The following CMC2 variants were observed in gnomAD, a reference collection of about 807,000 sequenced individuals.
CMC2 encodes the protein C-X9-C motif containing 2, also known as COX assembly mitochondrial protein 2 homolog.
In CMC2, 5 loss-of-function variants were observed where a neutral mutation model predicts 7.5. That is an observed-to-expected ratio of 0.66 (90% confidence interval 0.35 to 1.40). The LOEUF is 1.40. CMC2 is among the 40% of genes most tolerant of loss of function. The pLI is 0.04. For missense variants in CMC2, 115 were observed against 92.3 expected (o/e 1.25, Z -1.01); for synonymous variants, 37 against 31.4 (o/e 1.18, Z -0.60).
chr16:80,987,632 A>G (rs1296510738), intron 2 of CMC2, among the ~76,000 whole-genome samples: 1 of 152,184 alleles, frequency 6.6e-6, no homozygotes, highest in Non-Finnish European at 1.5e-5. Flanking sequence ...AGCTGTGGAA[A>G]TAACACTTGC....
At chr16:80,989,995 T>C (rs139105641) in intron 2 of CMC2, among the ~76,000 whole-genome samples, 106 of 152,334 alleles carry the variant, frequency 7.0e-4, no homozygotes, top group Admixed American at 1.9e-3. Context: ...AGTTCATTTT[T>C]TTCTTTAGTG....
At chr16:80,977,432 G>A (rs1912536152) in intron 3 of CMC2, among the ~76,000 whole-genome samples, 1 of 152,146 alleles carries the variant, frequency 6.6e-6, no homozygotes, top group Non-Finnish European at 1.5e-5. Context: ...TTTCCCCTGG[G>A]CAGAAGGGGA....
chr16:81,002,952 C>CT (rs1235043174), intron 1 of CMC2, among the ~76,000 whole-genome samples: 1 of 152,202 alleles, frequency 6.6e-6, no homozygotes, highest in African/African-American at 2.4e-5. Flanking sequence ...CACCTTATCC[C>CT]TTATCCAACA....
intron 1 of CMC2, among the ~76,000 whole-genome samples, chr16:81,005,379 T>G (rs908288760): frequency 1.9e-4 from 29 of 152,108 alleles, no homozygotes; most frequent in African/African-American, 7.0e-4. Context: ...GCCACTGCAC[T>G]CCAGCCTGGG....
At chr16:80,995,951 T>C (rs1968383758) in intron 2 of CMC2, among the ~76,000 whole-genome samples, 1 of 151,950 alleles carries the variant, frequency 6.6e-6, no homozygotes, top group South Asian at 2.1e-4. Context: ...TTAAAATCCA[T>C]CTTTAGTTCC....
chr16:81,006,719 A>G lies in CMC2; in HGVS notation c.-36+15T>C. 2.0e-6 allele frequency: 2 copies of G among 985,212 alleles called. No individual in the cohort carries two copies. Among genetic ancestry groups the G allele is most frequent in the Non-Finnish European group, 2.4e-6 (2 of 829,952 alleles). 61.0% of individuals were successfully genotyped at this position (985,212 alleles called of 1,614,324 possible). A position where few individuals can be genotyped will look rare whatever the true frequency, so the allele number is the denominator to read the frequency against. On this transcript the variant is annotated intron_variant, in intron 1 of 3. Transcript: ENST00000219400. ...ACGGAACGCGTTCGGAACGGCCTGG[A>G]CTCCCGAGACTCACCCGACTCGTGG...
Position 80,967,891 on chromosome 16 carries a change from C to T in CMC2, c.*8202G>A, listed in dbSNP as rs540088428. ...AAGATTTTGCTGTCATATTCAATGACAACATACCATATTAACGCTTCCTAT... is the reference window on the plus strand; with the variant it reads ...AAGATTTTGCTGTCATATTCAATGATAACATACCATATTAACGCTTCCTAT... On this transcript the variant is annotated 3_prime_UTR_variant, in exon 4 of 4. Transcript: ENST00000219400. 1 of 152,230 alleles carries T rather than the reference C, an allele frequency of 6.6e-6. No homozygotes were observed. The highest frequency in any genetic ancestry group is 1.9e-4 in the East Asian group (1 of 5,186). The allele number at this position is 152,230 out of a possible 1,614,324, so 9.4% of individuals were successfully genotyped here.
intron 2 of CMC2, among the ~76,000 whole-genome samples, chr16:80,990,222 G>A (rs1048915180): frequency 3.3e-5 from 5 of 151,080 alleles, no homozygotes; most frequent in African/African-American, 9.8e-5. Flanking sequence ...CCAGGCTAGC[G>A]TCCAGTGACA....
At chr16:81,001,841 A>C (rs563129607) in intron 1 of CMC2, among the ~76,000 whole-genome samples, 121 of 150,176 alleles carry the variant, frequency 8.1e-4, no homozygotes, top group African/African-American at 2.8e-3. Flanking sequence ...GTAACTACTA[A>C]ACACACACAC....
chr16:81,001,644 G>A (rs1208822222), intron 1 of CMC2, among the ~76,000 whole-genome samples: 1 of 151,970 alleles, frequency 6.6e-6, no homozygotes, highest in African/African-American at 2.4e-5. Context: ...TTCACCATGC[G>A]AATTTTATGG....
chr16:80,969,681 A>G lies in CMC2; in HGVS notation c.*6412T>C, dbSNP rs1911785382. ...GGCAGGTGGATCACTTGAGGTCGGG[A>G]GTTCAAGACCAGCCTGGGCAACATG... is the stretch of plus-strand genomic sequence containing the variant. On this transcript the variant is annotated 3_prime_UTR_variant, in exon 4 of 4. Transcript: ENST00000219400. 1 of 152,450 alleles carries G rather than the reference A, an allele frequency of 6.6e-6. No individual in the cohort carries two copies. Among genetic ancestry groups the G allele is most frequent in the Non-Finnish European group, 1.5e-5 (1 of 68,272 alleles). The allele number at this position is 152,450 out of a possible 1,614,324, so 9.4% of individuals were successfully genotyped here.
chr16:80,995,146 A>G (rs1301659611), intron 2 of CMC2, among the ~76,000 whole-genome samples: 1 of 152,156 alleles, frequency 6.6e-6, no homozygotes, highest in Non-Finnish European at 1.5e-5. Context: ...ACTCTGTCTC[A>G]AAAACAAATG....
chr16:80,996,977 T>A, intron 2 of CMC2: 1 of 454,458 alleles, frequency 2.2e-6, no homozygotes, highest in Non-Finnish European at 4.3e-6. Context: ...AATAATTCCA[T>A]TATAATCAGA....
intron 2 of CMC2, among the ~76,000 whole-genome samples, chr16:80,995,514 A>G (rs1003529557): frequency 3.6e-4 from 54 of 152,026 alleles, no homozygotes; most frequent in African/African-American, 1.2e-3. Flanking sequence ...AAAATTAGCC[A>G]GGCCTGGTGG....
chr16:80,992,505 C>T (rs536963373), intron 2 of CMC2, among the ~76,000 whole-genome samples: 2 of 152,186 alleles, frequency 1.3e-5, no homozygotes, highest in Non-Finnish European at 1.5e-5. Flanking sequence ...GTGTTGCCAA[C>T]AGAATGCGCT....
chr16:80,996,194 C>A (rs963481983), intron 2 of CMC2, among the ~76,000 whole-genome samples: 9 of 152,120 alleles, frequency 5.9e-5, no homozygotes, highest in Middle Eastern at 3.2e-3. Flanking sequence ...TCTAGTATTA[C>A]AAAAAGCACA....
At chr16:80,997,045 T>G (rs1968476705) in intron 2 of CMC2, 1 of 522,536 alleles carries the variant, frequency 1.9e-6, no homozygotes, top group Non-Finnish European at 3.6e-6. Context: ...GAGAAAGCAT[T>G]TTATTGTAAG....
intron 2 of CMC2, 97 bp from the exon 3 acceptor site, chr16:80,981,974 T>C (rs1203853339): frequency 1.5e-6 from 1 of 663,914 alleles, no homozygotes; most frequent in East Asian, 2.7e-5. Flanking sequence ...GAGTTTACAG[T>C]GTCACTTTGT....
chr16:80,997,321 T>C lies in CMC2; in HGVS notation c.74A>G (p.His25Arg). The change falls in exon 2 of 4, where the codon CAC becomes CGC. Residue 25 changes from histidine to arginine, a missense_variant. By Grantham distance (29) the His-to-Arg change is conservative. Transcript: ENST00000219400. The stretch of plus-strand genomic sequence containing the variant: ...GTTTTTCTGAACTCTTACATTTTTG[T>C]GACATTCCTTAAGCAAGTTAATCAA... Reference protein sequence around the residue: ...NVLINLLKECHKNHNILKFFG... With the variant: ...NVLINLLKECRKNHNILKFFG... 1 of 1,580,278 alleles carries C rather than the reference T, an allele frequency of 6.3e-7. No homozygotes were observed. The highest frequency in any genetic ancestry group is 1.1e-5 in the South Asian group (1 of 90,418).
Sources: gnomAD v4.1 joint callset for allele counts (sites outside exome capture counted in the v4.1 genomes callset) on GRCh38, gnomAD v4.1.1 for gene constraint, MANE v1.5 for transcripts, NCBI Gene and HGNC (gene_info 2026-07-23, HGNC 2026-07-21) for gene names.